Variants in KCNIP1 observed in about 807,000 individuals in gnomAD.
KCNIP1 encodes potassium voltage-gated channel interacting protein 1, also known as A-type potassium channel modulatory protein KCNIP1.
Under a neutral mutation model 33.0 loss-of-function variants are expected in KCNIP1, and 18 were observed. That is an observed-to-expected ratio of 0.55 (90% CI 0.38 to 0.81). The LOEUF (loss-of-function observed/expected upper bound fraction) is 0.81. Among genes scored for constraint, KCNIP1 ranks in the 30% least tolerant of loss-of-function variants. The probability of loss-of-function intolerance (pLI) is 0.00; values close to 1 mark genes in which losing one functional copy is unlikely to be tolerated. For missense variants in KCNIP1, 238 were observed against 271.6 expected (o/e 0.88, Z 0.87); for synonymous variants, 93 against 98.3 (o/e 0.95, Z 0.32).
Position 170,564,696 on chromosome 5 carries a change from C to T in KCNIP1, c.61+60063C>T, listed in dbSNP as rs566880915. 2.6e-5 allele frequency among the ~76,000 whole-genome samples: 4 copies of T among 152,258 alleles called. No individual in the cohort carries two copies. In the East Asian group the frequency reaches 7.7e-4, roughly 29 times the overall value. ...GCCATGGGAGGTGGGAGATTCTTGT[C>T]CATCCTTCACCCAGAAGCCTGCATG... On this transcript the variant is annotated intron_variant, in intron 1 of 7. Transcript: ENST00000328939.
At chr5:170,663,322 G>A (rs910380450) in intron 1 of KCNIP1, among the ~76,000 whole-genome samples, 1 of 152,050 alleles carries the variant, frequency 6.6e-6, no homozygotes, top group Non-Finnish European at 1.5e-5. Flanking sequence ...TGGACTTGCC[G>A]GAGTCCCATA....
At chr5:170,440,716 G>A (rs1377992313) in intron 1 of KCNIP1, among the ~76,000 whole-genome samples, 2 of 152,182 alleles carry the variant, frequency 1.3e-5, no homozygotes, top group African/African-American at 4.8e-5. Context: ...GATTCATGGT[G>A]GAAACTTGGG....
At chr5:170,420,258 T>A (rs2113425470) in intron 1 of KCNIP1, 1 of 152,354 alleles carries the variant, frequency 6.6e-6, no homozygotes, top group South Asian at 2.1e-4. Context: ...TTCCGCCTCC[T>A]CCTCAGCCCA....
At chr5:170,562,252 C>T (rs1442200171) in intron 1 of KCNIP1, among the ~76,000 whole-genome samples, 1 of 152,226 alleles carries the variant, frequency 6.6e-6, no homozygotes, top group African/African-American at 2.4e-5. Context: ...AGAGGGAATA[C>T]TGGACAGAGG....
At chr5:170,626,885 GAAGCCCA>G in intron 1 of KCNIP1, among the ~76,000 whole-genome samples, 1 of 56,908 alleles carries the variant, frequency 1.8e-5, no homozygotes, top group East Asian at 1.2e-3. Flanking sequence ...GCCTTCTCAA[GAAGCCCA>G]GAAGGCCAGA....
chr5:170,475,076 C>G (rs1756824340), intron 1 of KCNIP1, among the ~76,000 whole-genome samples: 1 of 152,146 alleles, frequency 6.6e-6, no homozygotes, highest in Non-Finnish European at 1.5e-5. Context: ...AAACCTCTAG[C>G]TAGCTACAGA....
At chr5:170,491,897 C>T (rs1483559850) in intron 1 of KCNIP1, among the ~76,000 whole-genome samples, 20 of 152,242 alleles carry the variant, frequency 1.3e-4, no homozygotes, top group Admixed American at 1.3e-3. Flanking sequence ...AGCTCGATGG[C>T]ATATAAAGGC....
Position 170,735,968 on chromosome 5 carries a change from C to A in KCNIP1, c.*162C>A. On this transcript the variant is annotated 3_prime_UTR_variant, in exon 8 of 8. Transcript: ENST00000328939. ...GCTGAAGACTTTCTATGGAACCCAG[C>A]ATCATGTGGCTCAGTCTCTGATTGC... 1 of 604,120 alleles carries A rather than the reference C, an allele frequency of 1.7e-6. No homozygotes were observed. Among genetic ancestry groups the A allele is most frequent in the Non-Finnish European group, 2.9e-6 (1 of 339,908 alleles). The allele number at this position is 604,120 out of a possible 1,614,324, so 37.4% of individuals were successfully genotyped here.
chr5:170,441,506 C>T (rs187353981), intron 1 of KCNIP1, among the ~76,000 whole-genome samples: 14 of 152,086 alleles, frequency 9.2e-5, no homozygotes, highest in South Asian at 6.3e-4. Context: ...GTGTGGCAGG[C>T]GATCAATGGT....
At chr5:170,708,003 C>A (rs1203692597) in intron 1 of KCNIP1, among the ~76,000 whole-genome samples, 1 of 152,070 alleles carries the variant, frequency 6.6e-6, no homozygotes, top group African/African-American at 2.4e-5. Flanking sequence ...CAAGGCTCAG[C>A]TGAGCACTCC....
chr5:170,463,542 C>T (rs1756550244), intron 1 of KCNIP1, among the ~76,000 whole-genome samples: 1 of 152,002 alleles, frequency 6.6e-6, no homozygotes, highest in African/African-American at 2.4e-5. Flanking sequence ...TAATATAATA[C>T]ATAATTCAAT....
intron 1 of KCNIP1, among the ~76,000 whole-genome samples, chr5:170,555,272 G>A (rs960437407): frequency 6.6e-5 from 10 of 152,152 alleles, no homozygotes; most frequent in African/African-American, 2.2e-4. Flanking sequence ...GCATGCACAT[G>A]GGAAATAGCT....
At chr5:170,431,295 G>A (rs889207171) in intron 1 of KCNIP1, among the ~76,000 whole-genome samples, 7 of 152,154 alleles carry the variant, frequency 4.6e-5, no homozygotes, top group African/African-American at 1.4e-4. Context: ...GAGTCGGCAC[G>A]AATCCTGCCC....
At chr5:170,364,967 T>C (rs1342365762) in intron 1 of KCNIP1, among the ~76,000 whole-genome samples, 2 of 152,238 alleles carry the variant, frequency 1.3e-5, no homozygotes, top group African/African-American at 4.8e-5. Context: ...GTCTCCTTGC[T>C]GTGCATTACT....
At chr5:170,611,995 C>G (rs1055747764) in intron 1 of KCNIP1, among the ~76,000 whole-genome samples, 3 of 152,194 alleles carry the variant, frequency 2.0e-5, no homozygotes, top group African/African-American at 7.2e-5. Context: ...AGTACTTTTC[C>G]TCCTGGAGTT....
At chr5:170,550,550 T>C (rs971847025) in intron 1 of KCNIP1, among the ~76,000 whole-genome samples, 3 of 151,506 alleles carry the variant, frequency 2.0e-5, no homozygotes, top group African/African-American at 7.3e-5. Flanking sequence ...ATGATGATGG[T>C]GATGACAATG....
rs750538048 is a variant in KCNIP1 at position 170,718,869 on chromosome 5, G to A, written c.173G>A (p.Arg58Gln). Residue 58 changes from arginine (R) to glutamine (Q), a missense_variant, in exon 2 of 8, where the codon CGA becomes CAA. Physicochemically the swap from Arg to Gln is conservative, Grantham distance 43. Coordinates refer to ENST00000328939, the MANE Select transcript of KCNIP1 (RefSeq NM_014592.4). The part of the protein sequence containing the change: ...FTKRELQVLY[R>Q]GFKNECPSGV... ...AAGAGGGAGCTGCAGGTCCTTTATC[G>A]AGGCTTCAAAAATGTAAGACCCGTG... is the stretch of plus-strand genomic sequence containing the variant. 2.0e-5 allele frequency: 33 copies of A among 1,610,214 alleles called. No individual in the cohort carries two copies. The highest frequency in any genetic ancestry group is 6.7e-5 in the East Asian group (3 of 44,730).
chr5:170,385,457 G>A (rs778974486), intron 1 of KCNIP1: 6 of 1,614,056 alleles, frequency 3.7e-6, no homozygotes. Flanking sequence ...TATTCACTGG[G>A]GGCAGTGATC....
At chr5:170,708,989 CT>C in intron 1 of KCNIP1, among the ~76,000 whole-genome samples, 1 of 152,330 alleles carries the variant, frequency 6.6e-6, no homozygotes, top group South Asian at 2.1e-4. Context: ...TGATATGTTG[CT>C]TAATTCAACT....
Sources: allele counts gnomAD v4.1 joint callset (sites outside exome capture counted in the v4.1 genomes callset), GRCh38; gene constraint gnomAD v4.1.1; transcripts MANE v1.5; gene names NCBI Gene and HGNC (gene_info 2026-07-23, HGNC 2026-07-21).